Variants in UVRAG observed in about 807,000 individuals in gnomAD.
The protein encoded by UVRAG is UV radiation resistance associated.
A neutral mutation model predicts 78.0 loss-of-function variants in UVRAG; 19 were observed. The ratio of observed to expected loss-of-function variants is 0.24; its 90% CI spans 0.17 to 0.36. The LOEUF is 0.36. UVRAG is among the 10% of genes least tolerant of loss of function. The probability of loss-of-function intolerance (pLI) is 1.00; values close to 1 mark genes in which losing one functional copy is unlikely to be tolerated. For missense variants in UVRAG, 740 were observed against 853.8 expected (o/e 0.87, Z 1.66); for synonymous variants, 323 against 324.6 (o/e 1.00, Z 0.05).
intron 12 of UVRAG, among the ~76,000 whole-genome samples, chr11:76,051,117 G>A (rs1950858214): frequency 1.3e-5 from 2 of 152,190 alleles, no homozygotes; most frequent in South Asian, 4.1e-4. Flanking sequence ...AATATTATAT[G>A]CACACATTGT....
intron 3 of UVRAG, among the ~76,000 whole-genome samples, chr11:75,876,850 T>C (rs543251562): frequency 5.9e-5 from 9 of 152,040 alleles, no homozygotes; most frequent in African/African-American, 2.2e-4. Context: ...TTATTTTTTA[T>C]TTTTTATTTT....
At chr11:76,077,711 C>G (rs1316646723) in intron 13 of UVRAG, among the ~76,000 whole-genome samples, 1 of 152,148 alleles carries the variant, frequency 6.6e-6, no homozygotes, top group Non-Finnish European at 1.5e-5. Context: ...GTTAGATAAA[C>G]AAAGAAATTC....
chr11:76,127,825 T>G (rs1263636105), intron 14 of UVRAG, among the ~76,000 whole-genome samples: 1 of 151,784 alleles, frequency 6.6e-6, no homozygotes, highest in African/African-American at 2.4e-5. Context: ...GACGTGGTAG[T>G]GTATGCCTGT....
intron 14 of UVRAG, among the ~76,000 whole-genome samples, chr11:76,133,546 T>TCATGGCAAGGTATTTG (rs966119635): frequency 3.3e-5 from 5 of 152,186 alleles, no homozygotes; most frequent in Admixed American, 1.3e-4. Context: ...TGGGTTGGCT[T>TCATGGCAAGGTATTTG]CATGGCAAGG....
At chr11:75,821,726 C>G (rs1945393785) in intron 1 of UVRAG, among the ~76,000 whole-genome samples, 1 of 152,142 alleles carries the variant, frequency 6.6e-6, no homozygotes, top group African/African-American at 2.4e-5. Flanking sequence ...CTTGCCTCCT[C>G]TTAGCTGTGG....
intron 12 of UVRAG, among the ~76,000 whole-genome samples, chr11:76,037,392 A>G (rs1421514163): frequency 1.3e-5 from 2 of 152,156 alleles, no homozygotes; most frequent in African/African-American, 4.8e-5. Context: ...GAAAGGCAAT[A>G]TACGTTTTGA....
At chr11:75,896,634 A>G (rs919167147) in intron 5 of UVRAG, among the ~76,000 whole-genome samples, 2 of 152,224 alleles carry the variant, frequency 1.3e-5, no homozygotes, top group Non-Finnish European at 2.9e-5. Context: ...CTATATCTCT[A>G]GCACAGTGCC....
Position 75,983,397 on chromosome 11 carries a change from G to A in UVRAG, c.710G>A (p.Ser237Asn). The change falls in exon 8 of 15, where the codon AGT becomes AAT. Residue 237 changes from serine to asparagine, a missense_variant. Ser to Asn is a conservative substitution (Grantham distance 46). Coordinates refer to ENST00000356136, the MANE Select transcript of UVRAG (RefSeq NM_003369.4). ...ATTTTATTTATTTAGAAAAAAAAAA[G>A]TGAATGCCTGCAGTTAAAAATTTTG... ...TSTSNELKKK[S>N]ECLQLKILVL... 2 of 1,583,582 alleles carry A rather than the reference G, an allele frequency of 1.3e-6. No individual in the cohort carries two copies. The highest frequency in any genetic ancestry group is 1.7e-6 in the Non-Finnish European group (2 of 1,166,826).
intron 3 of UVRAG, among the ~76,000 whole-genome samples, chr11:75,871,331 G>T (rs2134826567): frequency 1.4e-5 from 2 of 145,204 alleles, no homozygotes; most frequent in African/African-American, 5.2e-5. Context: ...TTGTTGCCCA[G>T]GCTGGAGTGC....
intron 12 of UVRAG, among the ~76,000 whole-genome samples, chr11:76,018,929 A>G (rs748421421): frequency 7.2e-5 from 11 of 152,046 alleles, no homozygotes; most frequent in East Asian, 1.9e-4. Flanking sequence ...TTCTACTCCT[A>G]TCTCTTTCTC....
intron 2 of UVRAG, among the ~76,000 whole-genome samples, chr11:75,857,897 G>A (rs1427013159): frequency 2.0e-5 from 3 of 150,620 alleles, no homozygotes; most frequent in African/African-American, 7.3e-5. Flanking sequence ...TATAAATTGT[G>A]ATTATTCTCC....
At chr11:76,017,962 A>G (rs902314241) in intron 12 of UVRAG, among the ~76,000 whole-genome samples, 2 of 152,216 alleles carry the variant, frequency 1.3e-5, no homozygotes, top group African/African-American at 4.8e-5. Context: ...GGAACAAAGA[A>G]TAAGAGAAAG....
chr11:76,127,400 T>G (rs1160188522), intron 14 of UVRAG, among the ~76,000 whole-genome samples: 1 of 152,174 alleles, frequency 6.6e-6, no homozygotes, highest in Non-Finnish European at 1.5e-5. Flanking sequence ...ACGCCTGTAA[T>G]CCCAGCACTT....
intron 14 of UVRAG, among the ~76,000 whole-genome samples, chr11:76,127,586 A>G: frequency 6.6e-6 from 1 of 150,868 alleles, no homozygotes; most frequent in Non-Finnish European, 1.5e-5. Flanking sequence ...GTGAGCCAAG[A>G]CTGTGCCATT....
chr11:75,990,779 T>C (rs1270346738), intron 8 of UVRAG, among the ~76,000 whole-genome samples: 1 of 152,218 alleles, frequency 6.6e-6, no homozygotes, highest in East Asian at 1.9e-4. Context: ...ATGATAGCAC[T>C]TTGATTATTA....
intron 7 of UVRAG, among the ~76,000 whole-genome samples, chr11:75,978,670 A>T (rs929113094): frequency 6.6e-6 from 1 of 152,150 alleles, no homozygotes; most frequent in South Asian, 2.1e-4. Flanking sequence ...CGGCTACTGA[A>T]GCTTGTGCAT....
At chr11:76,072,272 A>C (rs1951326034) in intron 13 of UVRAG, among the ~76,000 whole-genome samples, 1 of 152,158 alleles carries the variant, frequency 6.6e-6, no homozygotes, top group Admixed American at 6.5e-5. Context: ...AGAGGAGTAA[A>C]TTTCTGAATA....
At chr11:75,884,226 C>CTCTCTCTCTCTCTG (rs1157475768) in intron 4 of UVRAG, among the ~76,000 whole-genome samples, 1 of 136,644 alleles carries the variant, frequency 7.3e-6, no homozygotes, top group Non-Finnish European at 1.6e-5. Context: ...CTCTCTCTCT[C>CTCTCTCTCTCTCTG]TCTCTCTCTC....
chr11:75,989,774 T>C (rs1052564288), intron 8 of UVRAG, among the ~76,000 whole-genome samples: 3 of 152,256 alleles, frequency 2.0e-5, no homozygotes. Context: ...TGATGTCGTC[T>C]TATCTTCGCA....
Sources: allele counts gnomAD v4.1 joint callset (sites outside exome capture counted in the v4.1 genomes callset), GRCh38; gene constraint gnomAD v4.1.1; transcripts MANE v1.5; gene names NCBI Gene and HGNC (gene_info 2026-07-23, HGNC 2026-07-21).